The following RBMS2 variants were observed in gnomAD, a reference collection of about 807,000 sequenced individuals.
RBMS2 encodes RNA-binding motif, single-stranded-interacting protein 2.
Under a neutral mutation model 58.4 loss-of-function variants are expected in RBMS2, and 38 were observed. That is an observed-to-expected ratio of 0.65 (90% confidence interval 0.50 to 0.85). The LOEUF (loss-of-function observed/expected upper bound fraction) is 0.85, where lower values mean the gene tolerates loss of function less well. Ranked by LOEUF, RBMS2 falls within the 40% of genes least tolerant of loss-of-function variation. RBMS2 has a pLI of 0.00. For synonymous variants in RBMS2, 151 were observed against 180.7 expected, an observed-to-expected ratio of 0.84 and a Z score of 1.32; for missense variants, 367 against 503.7, an observed-to-expected ratio of 0.73 and a Z score of 2.60.
chr12:56,561,789 G>A (rs540381290), intron 1 of RBMS2, among the ~76,000 whole-genome samples: 27 of 150,168 alleles, frequency 1.8e-4, no homozygotes, highest in Non-Finnish European at 3.1e-4. Flanking sequence ...CCAAAGTGCT[G>A]GGGTTACAAG....
chr12:56,595,353 G>A lies in RBMS2; in HGVS notation c.*6220G>A, dbSNP rs1592535470. The A allele has an allele frequency of 6.6e-6, 1 of 152,132 alleles. No individual in the cohort carries two copies. The highest frequency in any genetic ancestry group is 2.4e-5 in the African/African-American group (1 of 41,410). The allele number at this position is 152,132 out of a possible 1,614,324, so 9.4% of individuals were successfully genotyped here. On this transcript the variant is annotated 3_prime_UTR_variant, in exon 14 of 14. Coordinates refer to ENST00000262031, the MANE Select transcript of RBMS2 (RefSeq NM_002898.4). ...CCCCACTCCAACATATACCCTTTTT[G>A]GGTGGGTAAACACCTCTTTGCATGT...
chr12:56,586,317 G>A (rs909018362), intron 9 of RBMS2, among the ~76,000 whole-genome samples: 2 of 151,030 alleles, frequency 1.3e-5, no homozygotes, highest in Non-Finnish European at 2.9e-5. Flanking sequence ...GGGTGACAGA[G>A]CAAGATCCTG....
rs1325231314 is a variant in RBMS2 at position 56,586,925 on chromosome 12, C to T, written c.950C>T (p.Ser317Leu). The change falls in exon 10 of 14, where the codon TCA (serine) becomes TTA (leucine). Residue 317 changes from serine to leucine, a missense_variant and splice_region_variant. By Grantham distance (145) the Ser-to-Leu change is moderately radical. This residue lies in a region of RBMS2 where 220 missense variants were observed against 261.1 expected (regional missense o/e 0.84). Transcript: ENST00000262031. ...CACCATTCATACCTCATGCAGCCTT[C>T]AGTGAGTATTCAGAAGTGGGCAGAA... The part of the protein sequence containing the change: ...MHHHSYLMQP[S>L]GSVLTPGMDH... The T allele has an allele frequency of 3.1e-6, 5 of 1,611,916 alleles. No homozygotes were observed. The highest frequency in any genetic ancestry group is 4.2e-6 in the Non-Finnish European group (5 of 1,178,152).
chr12:56,553,617 T>C (rs1026660084), intron 1 of RBMS2, among the ~76,000 whole-genome samples: 10 of 151,846 alleles, frequency 6.6e-5, no homozygotes, highest in Non-Finnish European at 1.2e-4. Context: ...CATGAGCCAC[T>C]GCACCCAGCC....
chr12:56,521,568 G>A (rs557260178), upstream of RBMS2, among the ~76,000 whole-genome samples: 11 of 125,326 alleles, frequency 8.8e-5, no homozygotes, highest in South Asian at 2.6e-3. Context: ...TTAAAATCAA[G>A]CTTGAAATCT....
chr12:56,523,792 T>G (rs1872172250), intron 1 of RBMS2, among the ~76,000 whole-genome samples: 1 of 152,222 alleles, frequency 6.6e-6, no homozygotes, highest in Non-Finnish European at 1.5e-5. Context: ...TATACACATT[T>G]GTTGGTTATC....
At position 56,586,728 on chromosome 12, in the gene RBMS2, C is replaced by T. The variant is rs375328550; in HGVS notation, c.874-121C>T. 12 of 782,542 alleles carry T rather than the reference C, an allele frequency of 1.5e-5. No homozygotes were observed. In the African/African-American group the frequency reaches 1.8e-4, roughly 11 times the overall value. 48.5% of individuals were successfully genotyped at this position (782,542 alleles called of 1,614,324 possible). A position where few individuals can be genotyped will look rare whatever the true frequency, so the allele number is the denominator to read the frequency against. ...TGCTAATATTTTAAAAACAGTTTTT[C>T]TTAATGTTTCTATTTTGAGTGGGGC... On this transcript the variant is annotated intron_variant, in intron 9 of 13. Transcript: ENST00000262031.
intron 1 of RBMS2, among the ~76,000 whole-genome samples, chr12:56,534,437 T>G (rs1051256841): frequency 3.3e-5 from 5 of 152,206 alleles, no homozygotes; most frequent in African/African-American, 1.2e-4. Flanking sequence ...TAATGCTAAA[T>G]TTATTTCCAA....
chr12:56,562,789 TC>T (rs1880663738), intron 2 of RBMS2, among the ~76,000 whole-genome samples: 1 of 152,170 alleles, frequency 6.6e-6, no homozygotes, highest in Admixed American at 6.6e-5. Flanking sequence ...TTGTTTCTAC[TC>T]CATAGACACA....
chr12:56,551,880 G>A (rs916337626), intron 1 of RBMS2, among the ~76,000 whole-genome samples: 1 of 152,176 alleles, frequency 6.6e-6, no homozygotes, highest in African/African-American at 2.4e-5. Context: ...CTGAGGTCGG[G>A]AGTTCAAGAC....
Position 56,584,266 on chromosome 12 carries a change from C to T in RBMS2, c.873+2114C>T, listed in dbSNP as rs1037542212. 4.0e-5 allele frequency among the ~76,000 whole-genome samples: 6 copies of T among 151,742 alleles called. No homozygotes were observed. In the East Asian group the frequency reaches 5.8e-4, roughly 15 times the overall value. ...GGGCAACATGGCAAAACCCCTGTCCCTACAAAAAATACAAAAATTAGCCAG... is the reference window on the plus strand; with the variant it reads ...GGGCAACATGGCAAAACCCCTGTCCTTACAAAAAATACAAAAATTAGCCAG... On this transcript the variant is annotated intron_variant, in intron 9 of 13. Transcript: ENST00000262031.
chr12:56,559,319 G>A (rs892002358), intron 1 of RBMS2, among the ~76,000 whole-genome samples: 2 of 151,346 alleles, frequency 1.3e-5, no homozygotes, highest in Non-Finnish European at 1.5e-5. Flanking sequence ...CTGAGTAGCT[G>A]GGACTACAGG....
intron 1 of RBMS2, among the ~76,000 whole-genome samples, chr12:56,544,179 G>A (rs563853886): frequency 1.3e-5 from 2 of 152,080 alleles, no homozygotes; most frequent in Non-Finnish European, 2.9e-5. Context: ...AGGAGGCTGA[G>A]GCAGGAGACT....
At chr12:56,574,547 G>A (rs1401050365) in intron 5 of RBMS2, among the ~76,000 whole-genome samples, 1 of 152,194 alleles carries the variant, frequency 6.6e-6, no homozygotes, top group Non-Finnish European at 1.5e-5. Flanking sequence ...AGATATTGCT[G>A]TTTTTCTTCA....
chr12:56,579,861 G>A (rs887697470), intron 5 of RBMS2, among the ~76,000 whole-genome samples: 2 of 152,252 alleles, frequency 1.3e-5, no homozygotes, highest in African/African-American at 4.8e-5. Flanking sequence ...CCATGTGGTA[G>A]GGTAGATGGA....
chr12:56,566,754 G>T (rs961032969), intron 2 of RBMS2, among the ~76,000 whole-genome samples: 1 of 152,058 alleles, frequency 6.6e-6, no homozygotes, highest in African/African-American at 2.4e-5. Flanking sequence ...GGAGGCGGAG[G>T]TTGCAGCGAG....
At position 56,547,242 on chromosome 12, in the gene RBMS2, C is replaced by A. The variant is rs188827771; in HGVS notation, c.67-15175C>A. On this transcript the variant is annotated intron_variant, in intron 1 of 13. Coordinates refer to ENST00000262031, the MANE Select transcript of RBMS2 (RefSeq NM_002898.4). ...TGGTGGCGGGTGCCTGTAATCCCAC[C>A]TACTCAGGAAGCTGAGGCAGTAGAA... Among the ~76,000 whole-genome samples, 190 of 152,076 alleles carry A rather than the reference C, an allele frequency of 1.2e-3. 1 individual carries two copies. Among genetic ancestry groups the A allele is most frequent in the Admixed American group, 2.0e-3 (31 of 15,242 alleles).
chr12:56,558,630 C>G (rs1879779478), intron 1 of RBMS2, among the ~76,000 whole-genome samples: 2 of 104,064 alleles, frequency 1.9e-5, no homozygotes, highest in Non-Finnish European at 3.8e-5. Flanking sequence ...ACTTTGTCAC[C>G]CAGGCTGGAG....
chr12:56,560,367 C>A (rs1215952812), intron 1 of RBMS2, among the ~76,000 whole-genome samples: 1 of 151,648 alleles, frequency 6.6e-6, no homozygotes, highest in Non-Finnish European at 1.5e-5. Context: ...CACCATTCTT[C>A]TGCCTCAGCC....
Sources: gnomAD v4.1 joint callset for allele counts (sites outside exome capture counted in the v4.1 genomes callset) on GRCh38, gnomAD v4.1.1 for gene constraint, gnomAD v4.1.1 regional missense constraint, MANE v1.5 for transcripts, NCBI Gene and HGNC (gene_info 2026-07-23, HGNC 2026-07-21) for gene names.